LOC122539214: variants seen among roughly 807,000 people sequenced by gnomAD.
the LOC122539214 span, among the ~76,000 whole-genome samples, chr19:52,689,520 C>T: frequency 3.3e-5 from 5 of 152,142 alleles, no homozygotes; most frequent in African/African-American, 1.2e-4. Context: ...CTCTCCCTCA[C>T]CCTGATGAGC....
At chr19:52,661,613 C>T in the LOC122539214 span, among the ~76,000 whole-genome samples, 1 of 152,122 alleles carries the variant, frequency 6.6e-6, no homozygotes, top group African/African-American at 2.4e-5. Context: ...TTGCAAAATG[C>T]CTGAGAAACC....
chr19:52,657,549 A>T, the LOC122539214 span, among the ~76,000 whole-genome samples: 3 of 152,068 alleles, frequency 2.0e-5, no homozygotes, highest in African/African-American at 4.8e-5. Context: ...ATAATTTTTT[A>T]AAAAAGGCCA....
the LOC122539214 span, among the ~76,000 whole-genome samples, chr19:52,680,699 G>A: frequency 2.4e-4 from 31 of 127,966 alleles, no homozygotes; most frequent in Middle Eastern, 4.2e-3. Context: ...TGCAAGCTCC[G>A]CCTCCCGGGT....
the LOC122539214 span, chr19:52,660,728 A>G: frequency 1.0e-5 from 2 of 196,298 alleles, no homozygotes; most frequent in African/African-American, 2.3e-5. Flanking sequence ...ATCAGAAAAG[A>G]GAGAGAAGAA....
the LOC122539214 span, among the ~76,000 whole-genome samples, chr19:52,669,768 C>T: frequency 1.3e-5 from 2 of 152,162 alleles, no homozygotes; most frequent in Non-Finnish European, 2.9e-5. Context: ...TGTACTTATT[C>T]TTGTCAGGTG....
the LOC122539214 span, chr19:52,652,522 G>A: frequency 2.2e-6 from 1 of 454,578 alleles, no homozygotes; most frequent in Non-Finnish European, 4.5e-6. Context: ...ATAAGATGAA[G>A]CTTGACTGAA....
At chr19:52,652,870 G>A in the LOC122539214 span, 3 of 1,017,766 alleles carry the variant, frequency 2.9e-6, no homozygotes, top group Non-Finnish European at 4.6e-6. Flanking sequence ...ATGACTGAAG[G>A]TCTTGCCACA....
the LOC122539214 span, among the ~76,000 whole-genome samples, chr19:52,670,175 C>T: frequency 5.3e-5 from 8 of 152,172 alleles, no homozygotes; most frequent in Non-Finnish European, 1.0e-4. Flanking sequence ...CAATCACCTG[C>T]TCCACCTTGA....
the LOC122539214 span, among the ~76,000 whole-genome samples, chr19:52,658,306 C>G: frequency 3.3e-5 from 5 of 152,170 alleles, no homozygotes; most frequent in African/African-American, 1.2e-4. Context: ...GCACTCACGC[C>G]TGTAATTCCA....
the LOC122539214 span, among the ~76,000 whole-genome samples, chr19:52,689,468 G>A: frequency 9.3e-3 from 1,418 of 152,050 alleles, 21 homozygotes; most frequent in African/African-American, 0.031. Flanking sequence ...CTTGCCACCA[G>A]CACCACTCTG....
At chr19:52,652,830 A>G in the LOC122539214 span, 1 of 938,952 alleles carries the variant, frequency 1.1e-6, no homozygotes, top group Non-Finnish European at 1.7e-6. Flanking sequence ...CTCCAGTATG[A>G]AGTCTATGAT....
At chr19:52,685,932 G>T in the LOC122539214 span, among the ~76,000 whole-genome samples, 1 of 150,178 alleles carries the variant, frequency 6.7e-6, no homozygotes, top group South Asian at 2.1e-4. Flanking sequence ...AAAAATACAG[G>T]AGTGCTTCTG....
chr19:52,652,270 T>A, the LOC122539214 span: 2 of 237,228 alleles, frequency 8.4e-6, no homozygotes, highest in Admixed American at 5.3e-5. Flanking sequence ...ACCCTGTCTC[T>A]ACTAAAAACA....
chr19:52,653,113 C>G, the LOC122539214 span: 46 of 1,454,170 alleles, frequency 3.2e-5, no homozygotes, highest in South Asian at 5.1e-4. Context: ...GGATGAATTT[C>G]GAGCAAAGGT....
At chr19:52,673,110 G>A in the LOC122539214 span, among the ~76,000 whole-genome samples, 1 of 152,156 alleles carries the variant, frequency 6.6e-6, no homozygotes, top group Non-Finnish European at 1.5e-5. Context: ...TCAGGAGACT[G>A]AGGCATGAGA....
the LOC122539214 span, among the ~76,000 whole-genome samples, chr19:52,657,619 A>T: frequency 1.3e-5 from 2 of 152,150 alleles, no homozygotes; most frequent in East Asian, 3.9e-4. Flanking sequence ...ATGCCAAGGC[A>T]GGCGGATCAC....
the LOC122539214 span, among the ~76,000 whole-genome samples, chr19:52,664,754 G>A: frequency 2.0e-5 from 3 of 151,586 alleles, no homozygotes; most frequent in East Asian, 5.9e-4. Context: ...GGCCTGGTGT[G>A]GGGGGGTGAG....
At chr19:52,672,866 G>C in the LOC122539214 span, among the ~76,000 whole-genome samples, 1 of 152,154 alleles carries the variant, frequency 6.6e-6, no homozygotes, top group African/African-American at 2.4e-5. Context: ...ATGAGCCACC[G>C]TGCATGGCAA....
the LOC122539214 span, among the ~76,000 whole-genome samples, chr19:52,679,613 A>AAAAT: frequency 6.6e-6 from 1 of 152,172 alleles, no homozygotes; most frequent in Non-Finnish European, 1.5e-5. Flanking sequence ...TGTATCTCAA[A>AAAAT]AAATAAATAA....
Sources: gnomAD v4.1 joint callset for allele counts (sites outside exome capture counted in the v4.1 genomes callset) on GRCh38, gnomAD v4.1.1 for gene constraint, MANE v1.5 for transcripts.